Variants in MARK2 observed in about 807,000 individuals in gnomAD.
The protein encoded by MARK2 is serine/threonine-protein kinase MARK2.
Under a neutral mutation model 89.8 loss-of-function variants are expected in MARK2, and 16 were observed. That is an observed-to-expected ratio of 0.18 (90% CI 0.12 to 0.27). MARK2 has a LOEUF of 0.27. Ranked by LOEUF, MARK2 falls within the 10% of genes least tolerant of loss-of-function variation. The pLI, the probability that MARK2 is intolerant of heterozygous loss-of-function variation, is 1.00. For missense variants in MARK2, 621 were observed against 1,049.9 expected (o/e 0.59, Z 5.65); for synonymous variants, 382 against 399.5 (o/e 0.96, Z 0.52).
At chr11:63,894,976 C>G (rs556765128) in intron 1 of MARK2, among the ~76,000 whole-genome samples, 183 bp from the exon 2 acceptor site, 6 of 152,300 alleles carry the variant, frequency 3.9e-5, no homozygotes, top group Non-Finnish European at 7.4e-5. Context: ...ATGTGCTTCT[C>G]TGGAGTGAAG....
rs1261277377 is a variant in MARK2 at position 63,850,530 on chromosome 11, TACTTCTGAGAAC to T, written c.54+10975_54+10986del. ...TGGAATGCTACTGGAGAGATTCATGTACTTCTGAGAACACTTTTAGCTCATTTTTTATAAGGC... is the reference window on the plus strand; with the variant it reads ...TGGAATGCTACTGGAGAGATTCATGTACTTTTAGCTCATTTTTTATAAGGC... On this transcript the variant is annotated intron_variant, in intron 1 of 18. Transcript: ENST00000402010. Among the ~76,000 whole-genome samples the T allele has an allele frequency of 1.8e-4, 28 of 152,018 alleles. 1 individual carries two copies. The highest frequency in any genetic ancestry group is 1.6e-4 in the Non-Finnish European group (11 of 67,986).
chr11:63,890,605 G>A (rs4980529), intron 1 of MARK2, among the ~76,000 whole-genome samples: 75,755 of 151,998 alleles, frequency 0.5, 20,615 homozygotes, highest in East Asian at 0.88. Context: ...GGAGGAGAGC[G>A]GGCACTCAAC....
intron 17 of MARK2, 32 bp downstream of exon 17, chr11:63,906,146 TG>T: frequency 7.7e-7 from 1 of 1,298,242 alleles, no homozygotes. Context: ...TGTGTGTGTG[TG>T]TGTGTGTGTC....
At chr11:63,876,900 C>T (rs150025512) in intron 1 of MARK2, among the ~76,000 whole-genome samples, 1 of 152,188 alleles carries the variant, frequency 6.6e-6, no homozygotes, top group East Asian at 1.9e-4. Context: ...CTGAGGGCTT[C>T]GACCAGTGCA....
chr11:63,874,264 A>G (rs1022058042), intron 1 of MARK2, among the ~76,000 whole-genome samples: 1 of 152,182 alleles, frequency 6.6e-6, no homozygotes, highest in Non-Finnish European at 1.5e-5. Flanking sequence ...CCTGATTCCA[A>G]CATAAGTGGT....
intron 1 of MARK2, among the ~76,000 whole-genome samples, chr11:63,885,197 T>C (rs947411164): frequency 1.3e-5 from 2 of 150,928 alleles, no homozygotes; most frequent in East Asian, 3.9e-4. Context: ...TGTTTAAAAA[T>C]AAATAAATAA....
In MARK2 at chr11:63,875,765, G is replaced by A. The variant is rs530305616; in HGVS notation, c.55-19394G>A. Among the ~76,000 whole-genome samples, 5 of 152,336 alleles carry A rather than the reference G, an allele frequency of 3.3e-5. No individual in the cohort carries two copies. The South Asian group carries it at 6.2e-4, about 19-fold the overall frequency. ...GTTATGTTGTGTGAAGGACAGTGGC[G>A]ATGGGGGCCTGGCCGCCAGAGAGGC... is the stretch of plus-strand genomic sequence containing the variant. On this transcript the variant is annotated intron_variant, in intron 1 of 18. Transcript: ENST00000402010.
At chr11:63,870,876 G>T (rs998209104) in intron 1 of MARK2, among the ~76,000 whole-genome samples, 1 of 152,170 alleles carries the variant, frequency 6.6e-6, no homozygotes, top group African/African-American at 2.4e-5. Context: ...ACCTGGGGGG[G>T]TCTGAGAGGC....
chr11:63,893,572 G>A lies in MARK2; in HGVS notation c.55-1587G>A, dbSNP rs1389534150. Among the ~76,000 whole-genome samples the A allele has an allele frequency of 4.6e-5, 7 of 151,954 alleles. No individual in the cohort carries two copies. In the East Asian group the frequency reaches 5.9e-4, roughly 13 times the overall value. On this transcript the variant is annotated intron_variant, in intron 1 of 18. Transcript: ENST00000402010. ...TTCTCTTTTGTATATACTGAGGAGC[G>A]GAATTGCTGGCTCATATAGTCTGTG...
intron 1 of MARK2, among the ~76,000 whole-genome samples, chr11:63,865,281 T>C (rs538043732): frequency 1.7e-4 from 26 of 152,092 alleles, no homozygotes; most frequent in African/African-American, 6.3e-4. Flanking sequence ...CTCTGTCACC[T>C]CAGCTGGAGT....
At position 63,839,557 on chromosome 11, in the gene MARK2, G is replaced by A; in HGVS notation, c.51G>A (p.Glu17=). 2.6e-6 allele frequency: 4 copies of A among 1,534,218 alleles called. No homozygotes were observed. Among genetic ancestry groups the A allele is most frequent in the Non-Finnish European group, 3.5e-6 (4 of 1,138,602 alleles). ...PLPTLNERDT[E]QPTLGHLDSK... ...CCACGCTGAACGAGAGGGACACGGAGCAGGTAAGGAGCCCCGAGGGCTCCC... is the reference window on the plus strand; with the variant it reads ...CCACGCTGAACGAGAGGGACACGGAACAGGTAAGGAGCCCCGAGGGCTCCC... The change falls in exon 1 of 19, where the codon GAG becomes GAA. Residue 17 remains glutamate, a synonymous_variant. Transcript: ENST00000402010.
At chr11:63,846,649 C>CA (rs1295874571) in intron 1 of MARK2, among the ~76,000 whole-genome samples, 46 of 143,154 alleles carry the variant, frequency 3.2e-4, no homozygotes, top group African/African-American at 9.2e-4. Flanking sequence ...CCCGCCTGGC[C>CA]AAAAAAAATT....
intron 1 of MARK2, among the ~76,000 whole-genome samples, chr11:63,860,481 G>C (rs1307642304): frequency 1.3e-5 from 2 of 152,036 alleles, no homozygotes; most frequent in African/African-American, 2.4e-5. Flanking sequence ...GAACCCAGGA[G>C]GGGGAGGCTA....
At chr11:63,898,410 A>C in intron 4 of MARK2, 130 bp downstream of exon 4, 1 of 1,012,210 alleles carries the variant, frequency 9.9e-7, no homozygotes, top group Non-Finnish European at 1.5e-6. Context: ...GGGGAAGCTC[A>C]GCTCAAAATC....
At chr11:63,842,503 G>T (rs2135188173) in intron 1 of MARK2, among the ~76,000 whole-genome samples, 1 of 152,176 alleles carries the variant, frequency 6.6e-6, no homozygotes, top group Non-Finnish European at 1.5e-5. Flanking sequence ...ACTGCGCCGG[G>T]CCTGATTCCT....
At position 63,904,997 on chromosome 11, in the gene MARK2, G is replaced by C. The variant is rs1274048907; in HGVS notation, c.1888G>C (p.Ala630Pro). The C allele has an allele frequency of 1.2e-6, 2 of 1,614,168 alleles. No homozygotes were observed. Among genetic ancestry groups the C allele is most frequent in the Non-Finnish European group, 1.7e-6 (2 of 1,180,018 alleles). Residue 630 changes from alanine (A) to proline (P), a missense_variant, in exon 16 of 19, where the codon GCC becomes CCC. Transcript: ENST00000402010. This position sits in a 1 kb window ranked among gnomAD's most constrained non-coding sequence, Gnocchi z 6.3. ...TGGCCACAGCCAGGGCCGGCGGGGG[G>C]CCTCTGGGAGCATCTTCAGCAAGTT... ...PSGHSQGRRG[A>P]SGSIFSKFTS...
chr11:63,839,837 C>T (rs1398915472), intron 1 of MARK2, among the ~76,000 whole-genome samples: 2 of 152,116 alleles, frequency 1.3e-5, no homozygotes, highest in Non-Finnish European at 1.5e-5. Context: ...CCCCAGCTTC[C>T]CTTTCTCTTC....
intron 11 of MARK2, 60 bp downstream of exon 11, chr11:63,901,129 C>A: frequency 1.9e-6 from 2 of 1,063,646 alleles, no homozygotes; most frequent in Non-Finnish European, 2.9e-6. Flanking sequence ...AGCACCTATG[C>A]TTCTAACACC....
At chr11:63,871,238 T>TC (rs990799838) in intron 1 of MARK2, among the ~76,000 whole-genome samples, 2 of 152,120 alleles carry the variant, frequency 1.3e-5, no homozygotes, top group African/African-American at 2.4e-5. Flanking sequence ...GTGTTGGTGC[T>TC]CCCCCCACCG....
Sources: gnomAD v4.1 joint callset for allele counts (sites outside exome capture counted in the v4.1 genomes callset) on GRCh38, gnomAD v4.1.1 for gene constraint, Gnocchi (gnomAD v3.1) non-coding constraint, MANE v1.5 for transcripts, NCBI Gene and HGNC (gene_info 2026-07-23, HGNC 2026-07-21) for gene names.